ZNF264: variants seen among roughly 807,000 people sequenced by gnomAD.
The protein encoded by ZNF264 is zinc finger protein 264.
A neutral mutation model predicts 11.2 loss-of-function variants in ZNF264; 11 were observed. The ratio of observed to expected loss-of-function variants is 0.98; its 90% CI spans 0.62 to 1.63. The LOEUF (loss-of-function observed/expected upper bound fraction) is 1.63. Among genes scored for constraint, ZNF264 ranks in the 40% most tolerant of loss-of-function variants. The pLI, the probability that ZNF264 is intolerant of heterozygous loss-of-function variation, is 0.00. For synonymous variants in ZNF264, 309 were observed against 279.8 expected (o/e 1.10, Z -1.04); for missense variants, 752 against 768.1 (o/e 0.98, Z 0.25).
Position 57,210,018 on chromosome 19 carries a change from C to G in ZNF264, c.257-1336C>G, listed in dbSNP as rs192409246. ...TCAAGCCAGGTCCTCTTACCTCTTT[C>G]CTTATGAGCCTTCAATTGATATAAC... On this transcript the variant is annotated intron_variant, in intron 3 of 3. Coordinates refer to ENST00000263095, the MANE Select transcript of ZNF264 (RefSeq NM_003417.5). Among the ~76,000 whole-genome samples the G allele has an allele frequency of 3.0e-3, 457 of 152,262 alleles. 3 individuals are homozygous for G. Among genetic ancestry groups the G allele is most frequent in the Non-Finnish European group, 4.6e-3 (314 of 68,016 alleles).
chr19:57,222,137 TCAG>T lies in ZNF264; in HGVS notation c.*9157_*9159del, dbSNP rs2122784307. 1 of 151,990 alleles carries T rather than the reference TCAG, an allele frequency of 6.6e-6. No homozygotes were observed. Among genetic ancestry groups the T allele is most frequent in the South Asian group, 2.1e-4 (1 of 4,814 alleles). The allele number at this position is 151,990 out of a possible 1,614,324, so 9.4% of individuals were successfully genotyped here. ...GCTGAGGCGGGTGGATCACTTGAGGTCAGGAGTTTGAGACCAGCCTAGCCAACA... is the reference window on the plus strand; with the variant it reads ...GCTGAGGCGGGTGGATCACTTGAGGTGAGTTTGAGACCAGCCTAGCCAACA... On this transcript the variant is annotated 3_prime_UTR_variant, in exon 4 of 4. Transcript: ENST00000263095.
In ZNF264 at chr19:57,211,533, C is replaced by T. The variant is rs1268784929; in HGVS notation, c.436C>T (p.Pro146Ser). The change falls in exon 4 of 4, where the codon CCC becomes TCC. Residue 146 changes from proline (P) to serine (S), a missense_variant. Physicochemically the swap from Pro to Ser is moderately conservative, Grantham distance 74 (BLOSUM62 -1). Transcript: ENST00000263095. ...QEGHFRPGID[P>S]QEKSPGKMSP... ...AGGACACTTCAGACCAGGAATAGAT[C>T]CCCAGGAGAAGTCTCCTGGGAAGAT... is the stretch of plus-strand genomic sequence containing the variant. 4.3e-6 allele frequency: 7 copies of T among 1,613,980 alleles called. No homozygotes were observed. Among genetic ancestry groups the T allele is most frequent in the Non-Finnish European group, 5.9e-6 (7 of 1,179,998 alleles).
At chr19:57,207,544 T>C (rs2122757346) in intron 3 of ZNF264, among the ~76,000 whole-genome samples, 1 of 148,626 alleles carries the variant, frequency 6.7e-6, no homozygotes. Context: ...TTTTTTCTTT[T>C]CTTTTTTTTT....
Position 57,215,946 on chromosome 19 carries a change from G to C in ZNF264, c.*2965G>C, listed in dbSNP as rs943036557. On this transcript the variant is annotated 3_prime_UTR_variant, in exon 4 of 4. Coordinates refer to ENST00000263095, the MANE Select transcript of ZNF264 (RefSeq NM_003417.5). ...AAAGAATGGGTGTTCTGCTGTTACT[G>C]GGTGGAGTTTCTATAAATGTCTCTA... The C allele has an allele frequency of 6.6e-5, 10 of 152,132 alleles. No homozygotes were observed. The highest frequency in any genetic ancestry group is 2.4e-4 in the African/African-American group (10 of 41,426). 9.4% of individuals were successfully genotyped at this position (152,132 alleles called of 1,614,324 possible).
intron 2 of ZNF264, among the ~76,000 whole-genome samples, chr19:57,203,922 T>TA (rs1199989923): frequency 6.6e-6 from 1 of 152,142 alleles, no homozygotes; most frequent in Non-Finnish European, 1.5e-5. Flanking sequence ...CGCGGTTGCT[T>TA]ACGCCTGTAA....
In ZNF264 at chr19:57,213,775, GTC is replaced by G. The variant is rs1247199135; in HGVS notation, c.*796_*797del. ...CAGATTTTTACAGAAATTGAGTTAAGTCTGTGGATTAATCTGTTAAGAATTGG... is the reference window on the plus strand; with the variant it reads ...CAGATTTTTACAGAAATTGAGTTAAGTGTGGATTAATCTGTTAAGAATTGG... On this transcript the variant is annotated 3_prime_UTR_variant, in exon 4 of 4. Transcript: ENST00000263095. 2 of 152,186 alleles carry G rather than the reference GTC, an allele frequency of 1.3e-5. No homozygotes were observed. The highest frequency in any genetic ancestry group is 2.9e-5 in the Non-Finnish European group (2 of 68,040). The allele number at this position is 152,186 out of a possible 1,614,324, so 9.4% of individuals were successfully genotyped here.
rs1329530962 is a variant in ZNF264, at chr19:57,220,086, T to TG, written c.*7106dup. On this transcript the variant is annotated 3_prime_UTR_variant, in exon 4 of 4. Coordinates refer to ENST00000263095, the MANE Select transcript of ZNF264 (RefSeq NM_003417.5). ...TATAGATAGGCTCAGGTTAAGAATTTGCCCAAGGTTACACAGTTATGAAGT... is the reference window on the plus strand; with the variant it reads ...TATAGATAGGCTCAGGTTAAGAATTTGGCCCAAGGTTACACAGTTATGAAGT... The TG allele has an allele frequency of 6.6e-6, 1 of 152,248 alleles. No individual in the cohort carries two copies. The highest frequency in any genetic ancestry group is 1.5e-5 in the Non-Finnish European group (1 of 68,046). 9.4% of individuals were successfully genotyped at this position (152,248 alleles called of 1,614,324 possible).
intron 2 of ZNF264, among the ~76,000 whole-genome samples, chr19:57,195,657 C>A (rs1479305539): frequency 2.6e-5 from 4 of 151,864 alleles, no homozygotes; most frequent in Non-Finnish European, 5.9e-5. Context: ...GTATTCCATG[C>A]ATACTCTTCC....
At chr19:57,197,063 CT>C (rs1406602998) in intron 2 of ZNF264, among the ~76,000 whole-genome samples, 2 of 152,028 alleles carry the variant, frequency 1.3e-5, no homozygotes, top group East Asian at 3.9e-4. Context: ...ACAGAACCAT[CT>C]GTGAACCAGG....
chr19:57,211,946 A>T lies in ZNF264; in HGVS notation c.849A>T (p.Gly283=). 6.2e-7 allele frequency: 1 copy of T among 1,613,442 alleles called. No homozygotes were observed. Among genetic ancestry groups the T allele is most frequent in the Non-Finnish European group, 8.5e-7 (1 of 1,179,806 alleles). Residue 283 remains glycine, a synonymous_variant, in exon 4 of 4, where the codon GGA becomes GGT. Coordinates refer to ENST00000263095, the MANE Select transcript of ZNF264 (RefSeq NM_003417.5). ...YLTQHQRIHS[G]EKPYKCNECG... ...CCCAGCACCAGCGGATTCACAGTGG[A>T]GAGAAGCCTTACAAGTGCAATGAAT...
chr19:57,213,082 G>A lies in ZNF264; in HGVS notation c.*101G>A, dbSNP rs2087353867. 3.3e-6 allele frequency: 4 copies of A among 1,212,450 alleles called. No homozygotes were observed. Among genetic ancestry groups the A allele is most frequent in the Admixed American group, 2.4e-5 (1 of 41,512 alleles). 75.1% of individuals were successfully genotyped at this position (1,212,450 alleles called of 1,614,324 possible). The stretch of plus-strand genomic sequence containing the variant: ...TCTCCATCTGATAATTTATCCTGGA[G>A]AGAGACCCAGTGGTTATTGTGCACA... On this transcript the variant is annotated 3_prime_UTR_variant, in exon 4 of 4. Transcript: ENST00000263095.
chr19:57,195,197 C>G (rs2087203527), intron 2 of ZNF264, among the ~76,000 whole-genome samples: 1 of 152,208 alleles, frequency 6.6e-6, no homozygotes, highest in Non-Finnish European at 1.5e-5. Flanking sequence ...AAGTATCGTT[C>G]ATGCAACCGA....
At chr19:57,195,894 C>T (rs1020348854) in intron 2 of ZNF264, among the ~76,000 whole-genome samples, 1 of 151,688 alleles carries the variant, frequency 6.6e-6, no homozygotes, top group Non-Finnish European at 1.5e-5. Context: ...TGTAATGTCG[C>T]GGGAATAGGA....
In ZNF264 at chr19:57,221,571, A is replaced by T. The variant is rs969445315; in HGVS notation, c.*8590A>T. 1 of 152,200 alleles carries T rather than the reference A, an allele frequency of 6.6e-6. No individual in the cohort carries two copies. Among genetic ancestry groups the T allele is most frequent in the Admixed American group, 6.5e-5 (1 of 15,284 alleles). 9.4% of individuals were successfully genotyped at this position (152,200 alleles called of 1,614,324 possible). On this transcript the variant is annotated 3_prime_UTR_variant, in exon 4 of 4. Coordinates refer to ENST00000263095, the MANE Select transcript of ZNF264 (RefSeq NM_003417.5). ...AGAGAAAACCAGGCACAATCTTCTG[A>T]GTCTTGTTTCAGTGAAGTCACAGGA...
intron 2 of ZNF264, 139 bp from the exon 3 acceptor site, chr19:57,205,258 C>T (rs938729253): frequency 2.7e-6 from 2 of 729,398 alleles, no homozygotes; most frequent in Admixed American, 5.1e-5. Context: ...TTCCAGGTCA[C>T]ATGCCAGCTT....
chr19:57,211,451 A>G lies in ZNF264; in HGVS notation c.354A>G (p.Ser118=). ...SLQGQVTQGN[S]VDSQLGQAED... is the part of the protein sequence containing the mutation. ...AGGGACAAGTGACACAAGGAAACTC[A>G]GTGGACTCACAGTTGGGGCAAGCCG... Residue 118 remains serine, a synonymous_variant, in exon 4 of 4, where the codon TCA becomes TCG. Transcript: ENST00000263095. The G allele has an allele frequency of 1.2e-6, 2 of 1,614,172 alleles. No homozygotes were observed. Among genetic ancestry groups the G allele is most frequent in the Non-Finnish European group, 1.7e-6 (2 of 1,180,032 alleles).
intron 2 of ZNF264, among the ~76,000 whole-genome samples, chr19:57,203,551 G>A (rs924108734): frequency 6.6e-6 from 1 of 152,052 alleles, no homozygotes; most frequent in Non-Finnish European, 1.5e-5. Flanking sequence ...TGTTGTTCTT[G>A]TTGTTGTTTT....
intron 2 of ZNF264, among the ~76,000 whole-genome samples, chr19:57,203,755 A>G (rs1733655190): frequency 6.6e-6 from 1 of 152,096 alleles, no homozygotes; most frequent in South Asian, 2.1e-4. Flanking sequence ...GTCCCTGAGG[A>G]TGACCTCCAG....
In ZNF264 at chr19:57,215,251, A is replaced by G. The variant is rs2087371590; in HGVS notation, c.*2270A>G. 6.6e-6 allele frequency: 1 copy of G among 152,320 alleles called. No individual in the cohort carries two copies. The highest frequency in any genetic ancestry group is 2.1e-4 in the South Asian group (1 of 4,828). The allele number at this position is 152,320 out of a possible 1,614,324, so 9.4% of individuals were successfully genotyped here. On this transcript the variant is annotated 3_prime_UTR_variant, in exon 4 of 4. Transcript: ENST00000263095. ...TTTATTTTATTGGATAGGTAGAACT[A>G]TTCGAAGTATCTATTTCTTGTGTAA... is the stretch of plus-strand genomic sequence containing the variant.
Sources: allele counts gnomAD v4.1 joint callset (sites outside exome capture counted in the v4.1 genomes callset), GRCh38; gene constraint gnomAD v4.1.1; transcripts MANE v1.5; gene names NCBI Gene and HGNC (gene_info 2026-07-23, HGNC 2026-07-21).